Variants in B4GALNT3 observed in about 807,000 individuals in gnomAD.
B4GALNT3 encodes the protein beta-1,4-N-acetyl-galactosaminyltransferase 3, also known as beta-1,4-N-acetylgalactosaminyltransferase 3.
B4GALNT3 carries 86 observed loss-of-function variants against 120.2 expected under a neutral mutation model. That is an observed-to-expected ratio of 0.72 (90% confidence interval 0.60 to 0.86). B4GALNT3 has a LOEUF of 0.86. B4GALNT3 is among the 40% of genes least tolerant of loss of function. The pLI is 0.00. For missense variants in B4GALNT3, 1,167 were observed against 1,298.9 expected (o/e 0.90, Z 1.56); for synonymous variants, 518 against 510.4 (o/e 1.01, Z -0.20).
At chr12:471,377 T>G (rs1441289004) in intron 1 of B4GALNT3, among the ~76,000 whole-genome samples, 5 of 141,362 alleles carry the variant, frequency 3.5e-5, no homozygotes, top group Non-Finnish European at 7.6e-5. Context: ...AGAGTGAGAC[T>G]CTGTCTCAAT....
chr12:552,935 A>C, intron 13 of B4GALNT3: 1 of 536,550 alleles, frequency 1.9e-6, no homozygotes, highest in Non-Finnish European at 3.3e-6. Context: ...CCTGCCGGGC[A>C]TGTGATGCCG....
At chr12:525,626 C>A (rs1946753233) in intron 1 of B4GALNT3, among the ~76,000 whole-genome samples, 1 of 152,228 alleles carries the variant, frequency 6.6e-6, no homozygotes. Context: ...AACCGCCTCC[C>A]TCCTCAAGTC....
At position 551,049 on chromosome 12, in the gene B4GALNT3, G is replaced by C. The variant is rs1947076773; in HGVS notation, c.1107+18G>C. On this transcript the variant is annotated intron_variant, in intron 11 of 19. Transcript: ENST00000266383. The stretch of plus-strand genomic sequence containing the variant: ...TCCGGTTTGTAAGTCTTGGGCCTGG[G>C]TCATGGAGAGCAGGGCTGGCAGAGG... The C allele has an allele frequency of 1.3e-6, 2 of 1,574,980 alleles. No homozygotes were observed. Among genetic ancestry groups the C allele is most frequent in the African/African-American group, 1.4e-5 (1 of 73,960 alleles).
chr12:499,647 AGCCCGTGCTCTCACTATCTACTAGCCCG>A (rs1946421205), intron 1 of B4GALNT3, among the ~76,000 whole-genome samples: 3 of 120,360 alleles, frequency 2.5e-5, no homozygotes, highest in Admixed American at 2.0e-4. Flanking sequence ...TAGCCCGTGG[AGCCCGTGCTCTCACTATCTACTAGCCCG>A]TGGAGCCCGT....
Position 460,365 on chromosome 12 carries a change from C to G in B4GALNT3, c.-12C>G, listed in dbSNP as rs1366356597. Reference sequence around the variant, plus strand: ...GAGCCCGCGCTGGCGGCGGCCGCCTCGGCGCAGCGCCATGGGGAGCCCCCG... The same window carrying G: ...GAGCCCGCGCTGGCGGCGGCCGCCTGGGCGCAGCGCCATGGGGAGCCCCCG... On this transcript the variant is annotated 5_prime_UTR_variant, in exon 1 of 20. Transcript: ENST00000266383. The surrounding 1 kb of genome is among the most constrained non-coding windows in gnomAD (Gnocchi z 8.0). 1.7e-6 allele frequency: 2 copies of G among 1,186,688 alleles called. No individual in the cohort carries two copies. Among genetic ancestry groups the G allele is most frequent in the Non-Finnish European group, 2.1e-6 (2 of 960,122 alleles). The allele number at this position is 1,186,688 out of a possible 1,614,324, so 73.5% of individuals were successfully genotyped here.
intron 1 of B4GALNT3, among the ~76,000 whole-genome samples, chr12:481,861 C>T (rs954564241): frequency 6.6e-6 from 1 of 152,132 alleles, no homozygotes; most frequent in African/African-American, 2.4e-5. Context: ...TCCTTCCTCC[C>T]TCTTGCATCA....
At chr12:498,448 A>G (rs1453404552) in intron 1 of B4GALNT3, among the ~76,000 whole-genome samples, 1 of 152,120 alleles carries the variant, frequency 6.6e-6, no homozygotes, top group Non-Finnish European at 1.5e-5. Flanking sequence ...CGGTTAATTT[A>G]AATAACTCCA....
intron 12 of B4GALNT3, 132 bp from the exon 13 acceptor site, chr12:552,335 A>ACACACACACACACC (rs1491522563): frequency 1.2e-6 from 1 of 806,694 alleles, no homozygotes; most frequent in African/African-American, 1.9e-5. Flanking sequence ...ACACACACAC[A>ACACACACACACACC]CCCGCTCACC....
intron 6 of B4GALNT3, among the ~76,000 whole-genome samples, chr12:546,353 G>A (rs944047800): frequency 6.6e-6 from 1 of 151,838 alleles, no homozygotes; most frequent in Non-Finnish European, 1.5e-5. Context: ...GATTCGGCTT[G>A]GGACACCCAG....
chr12:558,776 C>G, intron 18 of B4GALNT3, 115 bp downstream of exon 18: 1 of 1,160,904 alleles, frequency 8.6e-7, no homozygotes, highest in Non-Finnish European at 1.2e-6. Context: ...CCTGCCCCAC[C>G]CTGCCCTCCT....
intron 1 of B4GALNT3, among the ~76,000 whole-genome samples, chr12:485,785 C>T (rs367960367): frequency 1.3e-5 from 2 of 152,266 alleles, no homozygotes; most frequent in African/African-American, 2.4e-5. Flanking sequence ...ATGTAAGGAG[C>T]TCAGAATCTC....
At chr12:476,833 A>T (rs1946190498) in intron 1 of B4GALNT3, among the ~76,000 whole-genome samples, 1 of 152,226 alleles carries the variant, frequency 6.6e-6, no homozygotes. Context: ...GAAGAAAACC[A>T]AAAGCAAAGC....
chr12:522,512 G>A (rs76947671), intron 1 of B4GALNT3, among the ~76,000 whole-genome samples: 1,891 of 152,292 alleles, frequency 0.012, 41 homozygotes, highest in African/African-American at 0.043. Context: ...GCCCTGGGGG[G>A]AAGGGAAAGT....
At chr12:523,200 C>G (rs1342244820) in intron 1 of B4GALNT3, among the ~76,000 whole-genome samples, 1 of 152,130 alleles carries the variant, frequency 6.6e-6, no homozygotes, top group African/African-American at 2.4e-5. Flanking sequence ...CACTCAGTCC[C>G]TAGCCCAGAA....
intron 1 of B4GALNT3, among the ~76,000 whole-genome samples, chr12:531,200 C>T (rs1236536027): frequency 4.6e-5 from 7 of 151,782 alleles, no homozygotes; most frequent in African/African-American, 1.5e-4. Flanking sequence ...CACAGCACAG[C>T]GCCTGACACC....
intron 19 of B4GALNT3, 56 bp from the exon 20 acceptor site, chr12:561,287 G>GC (rs1157394537): frequency 7.1e-7 from 1 of 1,409,418 alleles, no homozygotes; most frequent in East Asian, 2.3e-5. Flanking sequence ...ATGGGGAGGG[G>GC]CCCCCCAGCT....
intron 1 of B4GALNT3, among the ~76,000 whole-genome samples, chr12:515,797 G>A (rs967182815): frequency 6.6e-6 from 1 of 152,108 alleles, no homozygotes; most frequent in Non-Finnish European, 1.5e-5. Context: ...AACATTGTTT[G>A]TTGAACAAGT....
At chr12:476,197 G>C (rs920278922) in intron 1 of B4GALNT3, among the ~76,000 whole-genome samples, 3 of 152,140 alleles carry the variant, frequency 2.0e-5, no homozygotes, top group African/African-American at 7.2e-5. Context: ...GACTATTAAT[G>C]GTACCTGTCT....
At chr12:518,369 A>G (rs1946676392) in intron 1 of B4GALNT3, among the ~76,000 whole-genome samples, 2 of 152,202 alleles carry the variant, frequency 1.3e-5, no homozygotes, top group Admixed American at 1.3e-4. Flanking sequence ...CAGGTCCCTT[A>G]TATAAAATAT....
Sources: allele counts gnomAD v4.1 joint callset (sites outside exome capture counted in the v4.1 genomes callset), GRCh38; gene constraint gnomAD v4.1.1; non-coding constraint Gnocchi (gnomAD v3.1); transcripts MANE v1.5; gene names NCBI Gene and HGNC (gene_info 2026-07-23, HGNC 2026-07-21).